Variants in SP2 observed in about 807,000 individuals in gnomAD.
SP2 encodes the protein transcription factor Sp2.
A neutral mutation model predicts 50.1 loss-of-function variants in SP2; 9 were observed. That is an observed-to-expected ratio of 0.18 (90% CI 0.11 to 0.31). The LOEUF (loss-of-function observed/expected upper bound fraction) is 0.31. Ranked by LOEUF, SP2 falls within the 10% of genes least tolerant of loss-of-function variation. SP2 has a pLI of 1.00. For synonymous variants in SP2, 313 were observed against 326.6 expected (o/e 0.96, Z 0.45); for missense variants, 581 against 806.5 (o/e 0.72, Z 3.39).
rs144726508 is a variant in SP2 at position 47,907,886 on chromosome 17, A to G, written c.8-7426A>G. On this transcript the variant is annotated intron_variant, in intron 1 of 6. Transcript: ENST00000376741. ...TTTGATCATAGTCTTACAGTTAGGT[A>G]TCTATGCTACCTCTTCTTAACCACT... Among the ~76,000 whole-genome samples the G allele has an allele frequency of 2.2e-3, 333 of 152,318 alleles. 2 individuals carry two copies. Among genetic ancestry groups the G allele is most frequent in the African/African-American group, 7.5e-3 (312 of 41,566 alleles).
At chr17:47,925,214 C>T in intron 5 of SP2, 121 bp downstream of exon 5, 2 of 1,418,352 alleles carry the variant, frequency 1.4e-6, no homozygotes, top group Non-Finnish European at 1.9e-6. Flanking sequence ...CAGCTCTGTG[C>T]CACCTTGCCC....
At chr17:47,896,410 C>A in intron 1 of SP2, 117 bp downstream of exon 1, 1 of 800,530 alleles carries the variant, frequency 1.2e-6, no homozygotes, top group Non-Finnish European at 1.7e-6. Context: ...CTGGGTCTGG[C>A]GTCGGGGCCC....
Position 47,916,881 on chromosome 17 carries a change from C to A in SP2, c.810C>A (p.Ile270=), listed in dbSNP as rs149293764. 6.2e-7 allele frequency: 1 copy of A among 1,614,094 alleles called. No homozygotes were observed. The highest frequency in any genetic ancestry group is 8.5e-7 in the Non-Finnish European group (1 of 1,180,012). Residue 270 remains isoleucine (I), a synonymous_variant, in exon 3 of 7, where the codon ATC becomes ATA. Transcript: ENST00000376741. This position sits in a 1 kb window ranked among gnomAD's most constrained non-coding sequence, Gnocchi z 4.7. ...AVAEQVETVL[I]ETTADNIIQA... is the part of the protein sequence containing the mutation. Reference sequence around the variant, plus strand: ...CTGAGCAGGTGGAGACGGTGCTGATCGAGACCACCGCGGACAACATCATCC... The same window carrying A: ...CTGAGCAGGTGGAGACGGTGCTGATAGAGACCACCGCGGACAACATCATCC...
chr17:47,911,722 G>A (rs1034726866), intron 1 of SP2, among the ~76,000 whole-genome samples: 5 of 151,484 alleles, frequency 3.3e-5, no homozygotes, highest in Non-Finnish European at 5.9e-5. Context: ...GGAGAATGGC[G>A]TGAACCCGGG....
intron 1 of SP2, among the ~76,000 whole-genome samples, chr17:47,903,820 C>T (rs893638980): frequency 6.6e-6 from 1 of 151,684 alleles, no homozygotes; most frequent in South Asian, 2.1e-4. Flanking sequence ...AAAAATCAGT[C>T]GGGCGTGGTG....
intron 1 of SP2, 24 bp from the exon 2 acceptor site, chr17:47,915,288 A>G: frequency 1.3e-6 from 2 of 1,560,122 alleles, no homozygotes; most frequent in African/African-American, 1.4e-5. Context: ...TTTATACATT[A>G]CTCCATCTCT....
chr17:47,897,992 C>A, intron 1 of SP2: 127 of 403,798 alleles, frequency 3.1e-4, no homozygotes, highest in Non-Finnish European at 3.9e-4. Context: ...TGGTTAAAAG[C>A]AACTACAAGA....
intron 1 of SP2, chr17:47,897,326 G>C (rs1364183002): frequency 6.6e-6 from 1 of 152,212 alleles, no homozygotes; most frequent in Non-Finnish European, 1.5e-5. Context: ...GCAATATCCT[G>C]TCATGTTTGT....
intron 6 of SP2, among the ~76,000 whole-genome samples, 188 bp from the exon 7 acceptor site, chr17:47,927,536 A>C (rs1247792993): frequency 6.6e-6 from 1 of 151,148 alleles, no homozygotes; most frequent in Non-Finnish European, 1.5e-5. Flanking sequence ...CATCTCAAAA[A>C]AAAAAAAAAA....
intron 4 of SP2, among the ~76,000 whole-genome samples, 194 bp from the exon 5 acceptor site, chr17:47,924,725 A>G (rs2035581434): frequency 6.6e-6 from 1 of 152,238 alleles, no homozygotes; most frequent in Admixed American, 6.5e-5. Context: ...TGCTGATGAT[A>G]GTACCTATTT....
At chr17:47,912,539 G>T (rs78231746) in intron 1 of SP2, among the ~76,000 whole-genome samples, 1 of 151,440 alleles carries the variant, frequency 6.6e-6, no homozygotes, top group Non-Finnish European at 1.5e-5. Context: ...TGACCTCTCA[G>T]GTTCAAGCGA....
rs888354134 is a variant in SP2, at chr17:47,924,902, C to A, written c.1373-17C>A. On this transcript the variant is annotated splice_polypyrimidine_tract_variant and intron_variant, in intron 4 of 6. Transcript: ENST00000376741. ...AGGCTTCCTCACCCTGAACTCTGCC[C>A]CTCTTTGTCCCCACAGGGCAGCAGC... 3 of 1,569,264 alleles carry A rather than the reference C, an allele frequency of 1.9e-6. No individual in the cohort carries two copies. Among genetic ancestry groups the A allele is most frequent in the Non-Finnish European group, 2.6e-6 (3 of 1,151,548 alleles).
intron 4 of SP2, among the ~76,000 whole-genome samples, chr17:47,924,581 A>G (rs982454080): frequency 1.3e-5 from 2 of 152,196 alleles, no homozygotes; most frequent in Non-Finnish European, 2.9e-5. Context: ...TCTAAAGCAA[A>G]TTCTGCCTAC....
intron 1 of SP2, among the ~76,000 whole-genome samples, chr17:47,910,895 C>T (rs2034954370): frequency 6.6e-6 from 1 of 152,280 alleles, no homozygotes; most frequent in East Asian, 1.9e-4. Context: ...GGTTATGCAG[C>T]AGTTACCTGG....
At chr17:47,913,878 A>T (rs1365289182) in intron 1 of SP2, among the ~76,000 whole-genome samples, 1 of 152,244 alleles carries the variant, frequency 6.6e-6, no homozygotes, top group East Asian at 1.9e-4. Flanking sequence ...CTCAACCGCT[A>T]GGAGATAATG....
chr17:47,915,455 C>G lies in SP2; in HGVS notation c.84+67C>G, dbSNP rs1197549828. The G allele has an allele frequency of 1.2e-5, 12 of 979,338 alleles. No homozygotes were observed. In the Admixed American group the frequency reaches 2.6e-4, roughly 21 times the overall value. The allele number at this position is 979,338 out of a possible 1,614,324, so 60.7% of individuals were successfully genotyped here. A position where few individuals can be genotyped will look rare whatever the true frequency, so the allele number is the denominator to read the frequency against. ...CCTGGACAGACTCACCGAAAACACT[C>G]TCTCTTCACTGTCTCACTATAAATA... is the stretch of plus-strand genomic sequence containing the variant. On this transcript the variant is annotated intron_variant, in intron 2 of 6. Transcript: ENST00000376741.
intron 1 of SP2, among the ~76,000 whole-genome samples, chr17:47,911,659 A>C (rs11650395): frequency 0.25 from 38,040 of 151,918 alleles, 5,654 homozygotes; most frequent in East Asian, 0.51. Flanking sequence ...ACAAAAAATT[A>C]GCCGGGCGTG....
At chr17:47,896,388 TC>T in intron 1 of SP2, 95 bp downstream of exon 1, 6 of 1,056,332 alleles carry the variant, frequency 5.7e-6, no homozygotes, top group Non-Finnish European at 7.2e-6. Flanking sequence ...GGCCGGGGGT[TC>T]CCCCCTGGGG....
chr17:47,927,668 G>T, intron 6 of SP2, 56 bp from the exon 7 acceptor site: 1 of 1,261,022 alleles, frequency 7.9e-7, no homozygotes. Context: ...ACCTTTTTGG[G>T]CAGAGACAGG....
Sources: allele counts gnomAD v4.1 joint callset (sites outside exome capture counted in the v4.1 genomes callset), GRCh38; gene constraint gnomAD v4.1.1; non-coding constraint Gnocchi (gnomAD v3.1); transcripts MANE v1.5; gene names NCBI Gene and HGNC (gene_info 2026-07-23, HGNC 2026-07-21).